The following MYO1D variants were observed in gnomAD, a reference collection of about 807,000 sequenced individuals.
The protein encoded by MYO1D is unconventional myosin-Id.
In MYO1D, 83 loss-of-function variants were observed where a neutral mutation model predicts 122.0. That is an observed-to-expected ratio of 0.68 (90% CI 0.57 to 0.82). MYO1D has a LOEUF of 0.82. Among genes scored for constraint, MYO1D ranks in the 40% least tolerant of loss-of-function variants. MYO1D has a pLI of 0.00. For synonymous variants in MYO1D, 464 were observed against 446.9 expected (o/e 1.04, Z -0.48); for missense variants, 1,157 against 1,269.5 (o/e 0.91, Z 1.35).
intron 1 of MYO1D, 143 bp downstream of exon 1, chr17:32,876,635 G>A: frequency 3.4e-6 from 2 of 587,868 alleles, no homozygotes; most frequent in Non-Finnish European, 2.7e-6. Context: ...GAGCTTGGCA[G>A]ACCCCCGGAC....
intron 21 of MYO1D, among the ~76,000 whole-genome samples, chr17:32,503,190 A>AT (rs1459317654): frequency 1.5e-4 from 23 of 152,196 alleles, no homozygotes; most frequent in Admixed American, 1.5e-3. Flanking sequence ...ACAAAGTGGG[A>AT]CAGGCCACTC....
chr17:32,779,934 T>A lies in MYO1D; in HGVS notation c.304+642A>T, dbSNP rs116951593. On this transcript the variant is annotated intron_variant, in intron 2 of 21. Coordinates refer to ENST00000318217, the MANE Select transcript of MYO1D (RefSeq NM_015194.3). ...AGGTATTATTAGCACCTGAAGAAAT[T>A]CCCACAATTTGGGAGAGGCCATCCT... is the stretch of plus-strand genomic sequence containing the variant. Among the ~76,000 whole-genome samples the A allele has an allele frequency of 1.6e-4, 25 of 152,310 alleles. No individual in the cohort carries two copies. The East Asian group carries it at 4.2e-3, about 26-fold the overall frequency.
chr17:32,653,803 TCTTTC>T, intron 19 of MYO1D, 35 bp downstream of exon 19: 1 of 1,539,686 alleles, frequency 6.5e-7, no homozygotes, highest in Non-Finnish European at 9.0e-7. Context: ...TCTGAATCAG[TCTTTC>T]CTTTCCAAGA....
At chr17:32,763,603 T>C (rs766562996) in intron 8 of MYO1D, among the ~76,000 whole-genome samples, 8 of 152,140 alleles carry the variant, frequency 5.3e-5, no homozygotes, top group Non-Finnish European at 1.2e-4. Context: ...CATGCAGCCA[T>C]AAAATCAGTA....
chr17:32,845,959 A>G (rs932514457), intron 1 of MYO1D, among the ~76,000 whole-genome samples: 23 of 152,172 alleles, frequency 1.5e-4, no homozygotes, highest in African/African-American at 5.3e-4. Context: ...AAACTGCTGA[A>G]TTCATAATAC....
intron 21 of MYO1D, among the ~76,000 whole-genome samples, chr17:32,532,837 C>T (rs1439045805): frequency 2.0e-5 from 3 of 151,684 alleles, no homozygotes; most frequent in Non-Finnish European, 4.4e-5. Context: ...CTCTATTTGG[C>T]TTTATCTACA....
intron 10 of MYO1D, among the ~76,000 whole-genome samples, chr17:32,756,007 A>T (rs1205625033): frequency 3.9e-5 from 6 of 152,264 alleles, no homozygotes; most frequent in Admixed American, 6.5e-5. Flanking sequence ...CCTGCCATTA[A>T]CTGTAAGGTC....
chr17:32,820,194 G>A (rs1449308809), intron 1 of MYO1D, among the ~76,000 whole-genome samples: 1 of 152,172 alleles, frequency 6.6e-6, no homozygotes, highest in Non-Finnish European at 1.5e-5. Context: ...CAGCCATTAT[G>A]GAAAACAGTA....
intron 20 of MYO1D, among the ~76,000 whole-genome samples, chr17:32,623,870 T>C (rs1276282799): frequency 3.3e-5 from 5 of 152,286 alleles, no homozygotes; most frequent in African/African-American, 1.2e-4. Flanking sequence ...CTGGGGCCTC[T>C]TGTATAAGTC....
rs533170520 is a variant in MYO1D at position 32,801,216 on chromosome 17, G to C, written c.96-20432C>G. 1.1e-4 allele frequency among the ~76,000 whole-genome samples: 17 copies of C among 152,248 alleles called. 3 individuals are homozygous for C. Among genetic ancestry groups the C allele is most frequent in the African/African-American group, 3.4e-4 (14 of 41,550 alleles). On this transcript the variant is annotated intron_variant, in intron 1 of 21. Coordinates refer to ENST00000318217, the MANE Select transcript of MYO1D (RefSeq NM_015194.3). The stretch of plus-strand genomic sequence containing the variant: ...CAAGTCTTACATCTTCTGTGAATAA[G>C]ATTTGAAACTAAATAATGTGTGATT...
intron 1 of MYO1D, among the ~76,000 whole-genome samples, chr17:32,846,803 C>T (rs1342276477): frequency 6.6e-6 from 1 of 152,000 alleles, no homozygotes; most frequent in Non-Finnish European, 1.5e-5. Context: ...AACATAGCTG[C>T]CCAGCTAAAT....
At chr17:32,818,498 C>A (rs1328521088) in intron 1 of MYO1D, among the ~76,000 whole-genome samples, 2 of 151,976 alleles carry the variant, frequency 1.3e-5, no homozygotes, top group Non-Finnish European at 2.9e-5. Flanking sequence ...GCTCAAGGAT[C>A]AAAAAAATGG....
At chr17:32,765,278 A>AT (rs2090044027) in intron 7 of MYO1D, among the ~76,000 whole-genome samples, 197 bp from the exon 8 acceptor site, 2 of 151,990 alleles carry the variant, frequency 1.3e-5, no homozygotes, top group South Asian at 4.2e-4. Flanking sequence ...CTTTCAGTGT[A>AT]TGTTTTTGAT....
chr17:32,561,832 C>T (rs1182470810), intron 21 of MYO1D, among the ~76,000 whole-genome samples: 2 of 151,832 alleles, frequency 1.3e-5, no homozygotes, highest in South Asian at 2.1e-4. Flanking sequence ...TTATATTTTA[C>T]GTATCCTTTT....
chr17:32,512,298 T>C (rs1567872140), intron 21 of MYO1D, among the ~76,000 whole-genome samples: 1 of 146,794 alleles, frequency 6.8e-6, no homozygotes, highest in Non-Finnish European at 1.5e-5. Context: ...GAAACTCTTA[T>C]CTCATAAAAA....
intron 21 of MYO1D, among the ~76,000 whole-genome samples, chr17:32,550,016 G>T (rs756170849): frequency 1.3e-5 from 2 of 151,942 alleles, no homozygotes; most frequent in Non-Finnish European, 2.9e-5. Context: ...GGAATGAAAA[G>T]ATCAGTATTA....
chr17:32,823,143 T>A (rs1468614230), intron 1 of MYO1D, among the ~76,000 whole-genome samples: 2 of 152,112 alleles, frequency 1.3e-5, no homozygotes, highest in African/African-American at 2.4e-5. Flanking sequence ...TCTAGTAAAG[T>A]TTTGCTTCCT....
chr17:32,806,010 G>A (rs1037135907), intron 1 of MYO1D, among the ~76,000 whole-genome samples: 2 of 152,192 alleles, frequency 1.3e-5, no homozygotes, highest in African/African-American at 2.4e-5. Flanking sequence ...TGTAATCCCA[G>A]CACTTTGGGA....
At chr17:32,589,515 G>A (rs1293106638) in intron 21 of MYO1D, among the ~76,000 whole-genome samples, 2 of 152,134 alleles carry the variant, frequency 1.3e-5, no homozygotes, top group African/African-American at 2.4e-5. Context: ...GCCTCTCGTC[G>A]GACCATGCAG....
Sources: allele counts gnomAD v4.1 joint callset (sites outside exome capture counted in the v4.1 genomes callset), GRCh38; gene constraint gnomAD v4.1.1; transcripts MANE v1.5; gene names NCBI Gene and HGNC (gene_info 2026-07-23, HGNC 2026-07-21).